The following CACNB2 variants were observed in gnomAD, a reference collection of about 807,000 sequenced individuals.
CACNB2 encodes the protein voltage-dependent L-type calcium channel subunit beta-2.
CACNB2 carries 42 observed loss-of-function variants against 73.3 expected under a neutral mutation model. That is an observed-to-expected ratio of 0.57 (90% CI 0.45 to 0.74). The LOEUF (loss-of-function observed/expected upper bound fraction) is 0.74. Ranked by LOEUF, CACNB2 falls within the 30% of genes least tolerant of loss-of-function variation. The pLI, the probability that CACNB2 is intolerant of heterozygous loss-of-function variation, is 0.00. For missense variants in CACNB2, 940 were observed against 853.0 expected (o/e 1.10, Z -1.27); for synonymous variants, 348 against 310.3 (o/e 1.12, Z -1.28).
chr10:18,291,522 T>C (rs147703026), intron 2 of CACNB2, among the ~76,000 whole-genome samples: 16 of 152,304 alleles, frequency 1.1e-4, no homozygotes, highest in African/African-American at 3.6e-4. Flanking sequence ...TAGCAATCTG[T>C]GATGTGTGTG....
At chr10:18,267,176 A>G (rs1187923430) in intron 2 of CACNB2, among the ~76,000 whole-genome samples, 1 of 132,048 alleles carries the variant, frequency 7.6e-6, no homozygotes, top group Admixed American at 8.0e-5. Context: ...GAAATTGATA[A>G]CTTCATATTT....
chr10:18,251,819 A>C (rs2037103190), intron 2 of CACNB2, among the ~76,000 whole-genome samples: 1 of 152,088 alleles, frequency 6.6e-6, no homozygotes, highest in African/African-American at 2.4e-5. Flanking sequence ...AAACCATCAG[A>C]TCTCGTGAGA....
At chr10:18,216,442 C>G (rs2035515023) in intron 2 of CACNB2, among the ~76,000 whole-genome samples, 1 of 152,058 alleles carries the variant, frequency 6.6e-6, no homozygotes, top group Non-Finnish European at 1.5e-5. Flanking sequence ...TTAAGCAAAC[C>G]AAAAAGCTAC....
chr10:18,403,299 G>T (rs2044105545), intron 3 of CACNB2, among the ~76,000 whole-genome samples: 1 of 152,202 alleles, frequency 6.6e-6, no homozygotes, highest in Non-Finnish European at 1.5e-5. Context: ...TTGTGAAGTT[G>T]AAATTAAATA....
chr10:18,465,368 A>C (rs991780561), intron 3 of CACNB2, among the ~76,000 whole-genome samples: 1 of 152,180 alleles, frequency 6.6e-6, no homozygotes, highest in African/African-American at 2.4e-5. Context: ...CTTCAGGGCT[A>C]AATATGTACA....
chr10:18,285,084 G>C (rs1564403850), intron 2 of CACNB2, among the ~76,000 whole-genome samples: 1 of 152,180 alleles, frequency 6.6e-6, no homozygotes, highest in Non-Finnish European at 1.5e-5. Flanking sequence ...GTTATGCACA[G>C]TCCTTTTCCT....
Position 18,217,009 on chromosome 10 carries a change from T to A in CACNB2, c.213+66034T>A, listed in dbSNP as rs866449084. Among the ~76,000 whole-genome samples the A allele has an allele frequency of 6.8e-4, 103 of 152,324 alleles. No individual in the cohort carries two copies. In the Middle Eastern group the frequency reaches 0.014, roughly 20 times the overall value. On this transcript the variant is annotated intron_variant, in intron 2 of 13. Transcript: ENST00000324631. ...CCTTTCTAGGATATAAATAGAACCTTTTTATTCATTTATCTTTTCATACGT... is the reference window on the plus strand; with the variant it reads ...CCTTTCTAGGATATAAATAGAACCTATTTATTCATTTATCTTTTCATACGT...
rs117404619 is a variant in CACNB2, at chr10:18,384,590, C to T, written c.214-17334C>T. ...AAAAAGAAAAAAACAATTAGCTGGGCGTGATGGTGCACATTTGCAATCCCA... is the reference window on the plus strand; with the variant it reads ...AAAAAGAAAAAAACAATTAGCTGGGTGTGATGGTGCACATTTGCAATCCCA... On this transcript the variant is annotated intron_variant, in intron 2 of 13. Transcript: ENST00000324631. Among the ~76,000 whole-genome samples the T allele has an allele frequency of 6.1e-4, 93 of 151,890 alleles. 1 individual carries two copies. In the East Asian group the frequency reaches 0.016, roughly 25 times the overall value.
chr10:18,398,670 CACACACACACACACACACACAT>C (rs962333713), intron 2 of CACNB2, among the ~76,000 whole-genome samples: 1 of 124,514 alleles, frequency 8.0e-6, no homozygotes, highest in Admixed American at 7.8e-5. Flanking sequence ...GAGACTGTCA[CACACACACACACACACACACAT>C]ACACACACAC....
At chr10:18,380,967 A>G (rs1364131826) in intron 2 of CACNB2, among the ~76,000 whole-genome samples, 1 of 151,904 alleles carries the variant, frequency 6.6e-6, no homozygotes, top group Non-Finnish European at 1.5e-5. Context: ...TATGTGCGGA[A>G]ATCTGTAATG....
chr10:18,506,827 TCTCA>T (rs1564629732), intron 6 of CACNB2, among the ~76,000 whole-genome samples: 1 of 152,092 alleles, frequency 6.6e-6, no homozygotes, highest in African/African-American at 2.4e-5. Context: ...TGAGACAGAG[TCTCA>T]CTCTATTGCC....
At chr10:18,526,442 T>C (rs1297350837) in intron 9 of CACNB2, among the ~76,000 whole-genome samples, 1 of 152,208 alleles carries the variant, frequency 6.6e-6, no homozygotes, top group Non-Finnish European at 1.5e-5. Flanking sequence ...AACTGTCACC[T>C]GGCTATTTGA....
chr10:18,352,828 T>C (rs1026630046), intron 2 of CACNB2, among the ~76,000 whole-genome samples: 4 of 152,170 alleles, frequency 2.6e-5, no homozygotes, highest in Non-Finnish European at 5.9e-5. Flanking sequence ...TCTGGGCAAA[T>C]GAAGGAACAT....
chr10:18,343,877 C>T (rs145500361), intron 2 of CACNB2, among the ~76,000 whole-genome samples: 1 of 152,218 alleles, frequency 6.6e-6, no homozygotes, highest in African/African-American at 2.4e-5. Flanking sequence ...CATATGTGAA[C>T]ATTTTCTAGC....
At chr10:18,259,036 A>G (rs1475147626) in intron 2 of CACNB2, among the ~76,000 whole-genome samples, 1 of 152,224 alleles carries the variant, frequency 6.6e-6, no homozygotes, top group African/African-American at 2.4e-5. Context: ...TGGACCTTCA[A>G]ATCCACAAAG....
At chr10:18,232,163 A>C (rs933892779) in intron 2 of CACNB2, among the ~76,000 whole-genome samples, 8 of 152,234 alleles carry the variant, frequency 5.3e-5, no homozygotes, top group African/African-American at 1.9e-4. Context: ...TTAAAACCAT[A>C]GTGAGAAGAA....
At chr10:18,230,989 G>T (rs568289041) in intron 2 of CACNB2, among the ~76,000 whole-genome samples, 1 of 152,152 alleles carries the variant, frequency 6.6e-6, no homozygotes, top group Non-Finnish European at 1.5e-5. Flanking sequence ...GTTAGGGGAG[G>T]AGAGAAGGAA....
chr10:18,474,400 A>G (rs959746373), intron 3 of CACNB2, among the ~76,000 whole-genome samples: 1 of 152,184 alleles, frequency 6.6e-6, no homozygotes, highest in African/African-American at 2.4e-5. Flanking sequence ...CGTTAAGGAC[A>G]TGCCTAGGCT....
intron 3 of CACNB2, among the ~76,000 whole-genome samples, chr10:18,409,336 T>G (rs2044486967): frequency 1.4e-5 from 2 of 148,120 alleles, no homozygotes; most frequent in South Asian, 4.3e-4. Context: ...CAAAGTCTCC[T>G]TATGTTGCCC....
Sources: gnomAD v4.1 joint callset for allele counts (sites outside exome capture counted in the v4.1 genomes callset) on GRCh38, gnomAD v4.1.1 for gene constraint, MANE v1.5 for transcripts, NCBI Gene and HGNC (gene_info 2026-07-23, HGNC 2026-07-21) for gene names.